Variants in FGGY observed in about 807,000 individuals in gnomAD.
FGGY encodes the protein FGGY carbohydrate kinase domain containing.
In FGGY, 72 loss-of-function variants were observed where a neutral mutation model predicts 71.3. The observed-to-expected ratio is 1.01, with a 90% CI of 0.84 to 1.23. The LOEUF (loss-of-function observed/expected upper bound fraction) is 1.23. Ranked by LOEUF, FGGY falls within the 50% of genes most tolerant of loss-of-function variation. FGGY has a pLI of 0.00. For missense variants in FGGY, 668 were observed against 682.3 expected (o/e 0.98, Z 0.23); for synonymous variants, 251 against 250.3 (o/e 1.00, Z -0.02).
chr1:59,308,046 C>T (rs1246200049), intron 1 of FGGY, among the ~76,000 whole-genome samples: 1 of 152,178 alleles, frequency 6.6e-6, no homozygotes, highest in African/African-American at 2.4e-5. Context: ...CCGTGTGCAG[C>T]TAGCCCAGCT....
intron 4 of FGGY, among the ~76,000 whole-genome samples, chr1:59,376,249 T>TGTTCATGTTCTAA (rs2058646045): frequency 6.6e-6 from 1 of 152,226 alleles, no homozygotes; most frequent in African/African-American, 2.4e-5. Context: ...CATCTTAGAA[T>TGTTCATGTTCTAA]GGGCGTTCAA....
At chr1:59,302,008 A>G (rs1459518673) in intron 1 of FGGY, among the ~76,000 whole-genome samples, 3 of 150,290 alleles carry the variant, frequency 2.0e-5, no homozygotes, top group Middle Eastern at 3.2e-3. Flanking sequence ...AAGTGTTGGG[A>G]TTACAGGCGT....
intron 5 of FGGY, among the ~76,000 whole-genome samples, chr1:59,435,237 G>T (rs368953371): frequency 5.3e-5 from 8 of 152,326 alleles, no homozygotes; most frequent in African/African-American, 1.9e-4. Context: ...CAAAGAGGTT[G>T]ATATTTTGCC....
intron 5 of FGGY, among the ~76,000 whole-genome samples, chr1:59,392,301 G>C (rs927566389): frequency 6.6e-6 from 1 of 152,152 alleles, no homozygotes; most frequent in East Asian, 1.9e-4. Context: ...AAAGGTATCA[G>C]TATTCAGTCT....
At chr1:59,633,002 T>C (rs1328410774) in intron 10 of FGGY, among the ~76,000 whole-genome samples, 1 of 97,654 alleles carries the variant, frequency 1.0e-5, no homozygotes, top group Non-Finnish European at 2.0e-5. Context: ...TATACATTTC[T>C]TTTTTTTTTT....
chr1:59,576,046 C>G (rs2096070091), intron 8 of FGGY, among the ~76,000 whole-genome samples: 1 of 152,076 alleles, frequency 6.6e-6, no homozygotes, highest in Admixed American at 6.6e-5. Context: ...TTGCTAGGGC[C>G]TCTGGTATTA....
intron 4 of FGGY, among the ~76,000 whole-genome samples, chr1:59,373,573 A>G (rs1261930616): frequency 1.3e-5 from 2 of 152,134 alleles, no homozygotes; most frequent in Non-Finnish European, 2.9e-5. Context: ...GTTCATATGG[A>G]ACCAAAAAAG....
chr1:59,633,301 C>T (rs117391531), intron 10 of FGGY, among the ~76,000 whole-genome samples: 2,135 of 152,302 alleles, frequency 0.014, 18 homozygotes, highest in South Asian at 0.041. Flanking sequence ...TGAGCCACTG[C>T]GCCCGACCTA....
intron 7 of FGGY, among the ~76,000 whole-genome samples, chr1:59,522,453 T>C (rs1409270877): frequency 6.6e-6 from 1 of 152,146 alleles, no homozygotes; most frequent in African/African-American, 2.4e-5. Flanking sequence ...TCTAATAAAG[T>C]GTATTTAAAG....
chr1:59,722,069 A>G (rs1365748564), intron 14 of FGGY, among the ~76,000 whole-genome samples: 1 of 152,134 alleles, frequency 6.6e-6, no homozygotes, highest in African/African-American at 2.4e-5. Context: ...TTTAGTCATC[A>G]TGTCTCCTTA....
upstream of FGGY, chr1:59,296,781 G>T (rs1007853360): frequency 6.5e-6 from 1 of 153,198 alleles, no homozygotes; most frequent in Non-Finnish European, 1.5e-5. Flanking sequence ...CGCCGGCGGG[G>T]GCGGGATCGC....
intron 6 of FGGY, among the ~76,000 whole-genome samples, chr1:59,499,247 C>T (rs184573180): frequency 6.7e-6 from 1 of 148,528 alleles, no homozygotes; most frequent in African/African-American, 2.5e-5. Context: ...CCAAGACCCC[C>T]AGTGGATGCC....
chr1:59,729,335 A>G (rs2100868361), intron 14 of FGGY, among the ~76,000 whole-genome samples: 1 of 152,212 alleles, frequency 6.6e-6, no homozygotes, highest in Admixed American at 6.5e-5. Context: ...AAATTATCTG[A>G]TAATTCTAAC....
At chr1:59,462,974 C>G (rs1269771972) in intron 6 of FGGY, among the ~76,000 whole-genome samples, 1 of 151,968 alleles carries the variant, frequency 6.6e-6, no homozygotes, top group East Asian at 1.9e-4. Context: ...ACCCAAAGGA[C>G]TATAAATCAT....
chr1:59,459,032 T>G (rs560956646), intron 6 of FGGY, among the ~76,000 whole-genome samples: 2 of 152,318 alleles, frequency 1.3e-5, no homozygotes, highest in East Asian at 3.9e-4. Context: ...GTGAAACCTT[T>G]TAGCAGATTT....
chr1:59,591,642 A>G (rs1358069238), intron 8 of FGGY, among the ~76,000 whole-genome samples: 4 of 152,200 alleles, frequency 2.6e-5, no homozygotes, highest in South Asian at 2.1e-4. Context: ...CCGCATATCT[A>G]TAACTACCTG....
At chr1:59,578,862 C>G (rs1036229735) in intron 8 of FGGY, among the ~76,000 whole-genome samples, 1 of 152,072 alleles carries the variant, frequency 6.6e-6, no homozygotes, top group African/African-American at 2.4e-5. Flanking sequence ...TGTAAGACTA[C>G]AGCTTGCTTT....
chr1:59,668,770 G>A (rs1228088623), intron 13 of FGGY, among the ~76,000 whole-genome samples: 4 of 151,950 alleles, frequency 2.6e-5, no homozygotes, highest in Non-Finnish European at 5.9e-5. Context: ...ATCACCTGAG[G>A]TCAGGAGTTC....
chr1:59,563,292 T>C (rs181929524), intron 8 of FGGY, among the ~76,000 whole-genome samples: 2 of 152,336 alleles, frequency 1.3e-5, no homozygotes, highest in Admixed American at 6.5e-5. Context: ...GTTTATGGAT[T>C]GTTTTTAGCA....
Sources: allele counts gnomAD v4.1 joint callset (sites outside exome capture counted in the v4.1 genomes callset), GRCh38; gene constraint gnomAD v4.1.1; transcripts MANE v1.5; gene names NCBI Gene and HGNC (gene_info 2026-07-23, HGNC 2026-07-21).